The following ARMC6 variants were observed in gnomAD, a reference collection of about 807,000 sequenced individuals.
The protein encoded by ARMC6 is armadillo repeat-containing protein 6.
A neutral mutation model predicts 49.2 loss-of-function variants in ARMC6; 43 were observed. That is an observed-to-expected ratio of 0.87 (90% CI 0.69 to 1.13). The LOEUF (loss-of-function observed/expected upper bound fraction) is 1.13. ARMC6 is among the 50% of genes most tolerant of loss of function. ARMC6 has a pLI of 0.00. For missense variants in ARMC6, 627 were observed against 682.0 expected, an observed-to-expected ratio of 0.92 and a Z score of 0.90; for synonymous variants, 262 against 289.6, an observed-to-expected ratio of 0.90 and a Z score of 0.97.
chr19:19,036,364 A>G (rs1170280336), intron 2 of ARMC6, among the ~76,000 whole-genome samples: 1 of 152,206 alleles, frequency 6.6e-6, no homozygotes, highest in African/African-American at 2.4e-5. Context: ...GCCAGGCCAA[A>G]TCTGCATTTT....
chr19:19,039,277 C>T (rs1013229979), intron 2 of ARMC6: 10 of 401,316 alleles, frequency 2.5e-5, no homozygotes, highest in Admixed American at 1.6e-4. Flanking sequence ...TTCAACCACA[C>T]GCAAATGCCA....
chr19:19,051,859 CT>C lies in ARMC6; in HGVS notation c.518del (p.Leu173ArgfsTer9), dbSNP rs760460116. On this transcript the variant is annotated frameshift_variant, in exon 5 of 9. Transcript: ENST00000535612. LOFTEE classifies it high-confidence loss of function. ...GCTGACTGATGGACAGCCAGACCTC[CT>C]GGATGCCCAGGGCCTGCAGCTCCTA... ...SVLTDGQPDL[L>X]DAQGLQLLVA... is the part of the protein sequence containing the mutation. 1 of 1,614,030 alleles carries C rather than the reference CT, an allele frequency of 6.2e-7. No individual in the cohort carries two copies. The highest frequency in any genetic ancestry group is 1.3e-5 in the African/African-American group (1 of 74,956).
chr19:19,040,947 T>A (rs2059407575), intron 2 of ARMC6, among the ~76,000 whole-genome samples: 2 of 152,176 alleles, frequency 1.3e-5, no homozygotes, highest in Non-Finnish European at 2.9e-5. Context: ...ACCTGCCCCA[T>A]GACCTGCTGG....
chr19:19,049,059 ATTT>A (rs67876712), intron 4 of ARMC6, among the ~76,000 whole-genome samples: 12 of 124,942 alleles, frequency 9.6e-5, no homozygotes, highest in Admixed American at 3.3e-4. Flanking sequence ...GAGGACTTAG[ATTT>A]TTTTTTTTTT....
intron 5 of ARMC6, among the ~76,000 whole-genome samples, chr19:19,052,756 G>T (rs185815997): frequency 6.6e-6 from 1 of 152,248 alleles, no homozygotes; most frequent in East Asian, 1.9e-4. Context: ...CACACAGAAG[G>T]TGTTAGGAGG....
At chr19:19,054,041 C>A in intron 5 of ARMC6, 111 bp from the exon 6 acceptor site, 1 of 1,182,476 alleles carries the variant, frequency 8.5e-7, no homozygotes, top group Non-Finnish European at 1.1e-6. Context: ...CGTGGCCACT[C>A]CAATAGGCAG....
intron 2 of ARMC6, chr19:19,039,351 G>A: frequency 2.2e-6 from 1 of 453,046 alleles, no homozygotes; most frequent in Non-Finnish European, 4.4e-6. Flanking sequence ...TGTCCTTGCT[G>A]GTCTCAAACT....
intron 8 of ARMC6, 125 bp from the exon 9 acceptor site, chr19:19,057,291 A>T: frequency 1.3e-6 from 1 of 756,092 alleles, no homozygotes; most frequent in Non-Finnish European, 2.2e-6. Context: ...GATACAGTAT[A>T]GGCAGCTGCT....
At chr19:19,049,717 G>T (rs1217066130) in intron 4 of ARMC6, among the ~76,000 whole-genome samples, 1 of 152,098 alleles carries the variant, frequency 6.6e-6, no homozygotes, top group Admixed American at 6.6e-5. Context: ...GACTACTCCA[G>T]GACCTCATAT....
chr19:19,044,138 G>C (rs2059431137), intron 4 of ARMC6, 64 bp downstream of exon 4: 2 of 1,494,158 alleles, frequency 1.3e-6, no homozygotes, highest in African/African-American at 2.8e-5. Flanking sequence ...CCTCTTCCCT[G>C]TTTCCTGGAT....
intron 4 of ARMC6, among the ~76,000 whole-genome samples, chr19:19,051,371 CTCTCTGTGTG>C (rs1467898588): frequency 4.9e-5 from 6 of 122,796 alleles, no homozygotes; most frequent in African/African-American, 2.3e-4. Flanking sequence ...CTCTCTCTCT[CTCTCTGTGTG>C]TGTGTGTGTG....
chr19:19,034,151 G>A lies in ARMC6; in HGVS notation c.-59G>A, dbSNP rs371723007. On this transcript the variant is annotated 5_prime_UTR_variant, in exon 2 of 9. Coordinates refer to ENST00000535612, the MANE Select transcript of ARMC6 (RefSeq NM_001199196.2). Reference sequence around the variant, plus strand: ...TTCAGCACCTGTGCACTGAGTGCCTGCTGCGTGTCGGGCCCCGTCCTAGGC... The same window carrying A: ...TTCAGCACCTGTGCACTGAGTGCCTACTGCGTGTCGGGCCCCGTCCTAGGC... The A allele has an allele frequency of 5.2e-4, 636 of 1,226,038 alleles. 6 individuals are homozygous for A. In the Middle Eastern group the frequency reaches 6.3e-3, roughly 12 times the overall value. 75.9% of individuals were successfully genotyped at this position (1,226,038 alleles called of 1,614,324 possible). A position where few individuals can be genotyped will look rare whatever the true frequency, so the allele number is the denominator to read the frequency against.
chr19:19,053,098 C>T lies in ARMC6; in HGVS notation c.853+903C>T, dbSNP rs184506117. Among the ~76,000 whole-genome samples, 15 of 152,350 alleles carry T rather than the reference C, an allele frequency of 9.8e-5. No individual in the cohort carries two copies. In the East Asian group the frequency reaches 2.9e-3, roughly 29 times the overall value. On this transcript the variant is annotated intron_variant, in intron 5 of 8. Transcript: ENST00000535612. ...ATAGGGCAGGCTGGAAACCCCCAGG[C>T]AGTCCCCTTTTCGGGGAAACACCTC...
intron 2 of ARMC6, chr19:19,039,259 C>T (rs1024012045): frequency 5.3e-6 from 2 of 374,558 alleles, no homozygotes; most frequent in Non-Finnish European, 1.1e-5. Context: ...TTCAGCCTCC[C>T]GAGTAACTTC....
In ARMC6 at chr19:19,055,510, G is replaced by A; in HGVS notation, c.1155+114G>A. ...GCAGGGCCAGGGCAGGGCTGGTGAG[G>A]GTCGTGGGCATTGGCTCTCAAATGC... is the stretch of plus-strand genomic sequence containing the variant. On this transcript the variant is annotated intron_variant, in intron 7 of 8. Coordinates refer to ENST00000535612, the MANE Select transcript of ARMC6 (RefSeq NM_001199196.2). This position sits in a 1 kb window ranked among gnomAD's most constrained non-coding sequence, Gnocchi z 5.7. 2 of 1,432,602 alleles carry A rather than the reference G, an allele frequency of 1.4e-6. No homozygotes were observed. Among genetic ancestry groups the A allele is most frequent in the South Asian group, 1.4e-5 (1 of 70,464 alleles). 88.7% of individuals were successfully genotyped at this position (1,432,602 alleles called of 1,614,324 possible).
chr19:19,041,497 C>T lies in ARMC6; in HGVS notation c.30-1214C>T, dbSNP rs368383144. ...CCGAGTGGCTGGGATCACAGGTGCC[C>T]GCCACCATGCCCGGTTAATTTTTGT... On this transcript the variant is annotated intron_variant, in intron 2 of 8. Transcript: ENST00000535612. Among the ~76,000 whole-genome samples, 3 of 152,076 alleles carry T rather than the reference C, an allele frequency of 2.0e-5. No individual in the cohort carries two copies. In the South Asian group the frequency reaches 6.2e-4, roughly 32 times the overall value.
intron 4 of ARMC6, among the ~76,000 whole-genome samples, chr19:19,046,016 T>G (rs1222928632): frequency 1.3e-5 from 2 of 152,140 alleles, no homozygotes; most frequent in Non-Finnish European, 2.9e-5. Flanking sequence ...TGGTGAGGTA[T>G]CTGAGGCTTC....
intron 2 of ARMC6, among the ~76,000 whole-genome samples, chr19:19,041,153 A>C (rs2145850220): frequency 6.6e-6 from 1 of 152,018 alleles, no homozygotes; most frequent in South Asian, 2.1e-4. Flanking sequence ...TTTTCGTGGG[A>C]AATGGTAGAA....
chr19:19,043,474 T>A (rs1416847573), intron 3 of ARMC6, among the ~76,000 whole-genome samples: 1 of 152,104 alleles, frequency 6.6e-6, no homozygotes, highest in Non-Finnish European at 1.5e-5. Context: ...ACTTCCCCAT[T>A]GAACAAACCC....
Sources: allele counts gnomAD v4.1 joint callset (sites outside exome capture counted in the v4.1 genomes callset), GRCh38; gene constraint gnomAD v4.1.1; non-coding constraint Gnocchi (gnomAD v3.1); transcripts MANE v1.5; gene names NCBI Gene and HGNC (gene_info 2026-07-23, HGNC 2026-07-21).